Variants in NPAS1 observed in about 807,000 individuals in gnomAD.
The protein encoded by NPAS1 is neuronal PAS domain protein 1.
A neutral mutation model predicts 49.2 loss-of-function variants in NPAS1; 29 were observed. That is an observed-to-expected ratio of 0.59 (90% CI 0.44 to 0.80). The LOEUF (loss-of-function observed/expected upper bound fraction) is 0.80, where lower values mean the gene tolerates loss of function less well. NPAS1 is among the 30% of genes least tolerant of loss of function. NPAS1 has a pLI of 0.00. For synonymous variants in NPAS1, 408 were observed against 380.4 expected (o/e 1.07, Z -0.84); for missense variants, 825 against 835.5 (o/e 0.99, Z 0.15).
Position 47,030,695 on chromosome 19 carries a change from C to G in NPAS1, c.359-1583C>G, listed in dbSNP as rs10410609. Among the ~76,000 whole-genome samples, 1,144 of 142,384 alleles carry G rather than the reference C, an allele frequency of 8.0e-3. 20 individuals are homozygous for G. The highest frequency in any genetic ancestry group is 0.028 in the African/African-American group (1,007 of 36,424). 93.4% of individuals were successfully genotyped at this position (142,384 alleles called of 152,430 possible). On this transcript the variant is annotated intron_variant, in intron 3 of 11. Coordinates refer to ENST00000602212, the MANE Select transcript of NPAS1 (RefSeq NM_002517.4). Reference sequence around the variant, plus strand: ...CTGAGACAGAGTCTCACTCTGTCGCCCAGGCTGCAATGCAATGGCCCTAAC... The same window carrying G: ...CTGAGACAGAGTCTCACTCTGTCGCGCAGGCTGCAATGCAATGGCCCTAAC...
chr19:47,032,840 A>AC, intron 5 of NPAS1, 108 bp downstream of exon 5: 1 of 784,504 alleles, frequency 1.3e-6, no homozygotes. Context: ...AGAAAAATGG[A>AC]CTGGATCTCT....
intron 6 of NPAS1, among the ~76,000 whole-genome samples, chr19:47,037,114 G>C (rs2056964453): frequency 6.6e-6 from 1 of 151,016 alleles, no homozygotes; most frequent in African/African-American, 2.4e-5. Flanking sequence ...CACTTTGGGA[G>C]GCCGAAGTGG....
At chr19:47,026,042 C>T (rs950601364) in intron 3 of NPAS1, among the ~76,000 whole-genome samples, 18 of 152,040 alleles carry the variant, frequency 1.2e-4, no homozygotes, top group African/African-American at 3.9e-4. Context: ...CAGGTTCAAG[C>T]GATTCTCCTG....
At chr19:47,040,738 TGG>T (rs67047644) in intron 9 of NPAS1, 188 bp downstream of exon 9, 198 of 495,220 alleles carry the variant, frequency 4.0e-4, no homozygotes, top group South Asian at 1.2e-3. Flanking sequence ...GATGTGTGTG[TGG>T]GGGGGGGGTC....
Position 47,039,130 on chromosome 19 carries a change from C to T in NPAS1, c.783C>T (p.His261=), listed in dbSNP as rs541331331. ...CCACGCTCACCAAGAGGGGGCTGCA[C>T]GTCAAGGCCTCAGGGTACAAGGTGG... The part of the protein sequence containing the change: ...MKSTLTKRGL[H]VKASGYKVIH... Residue 261 remains histidine, a synonymous_variant, in exon 7 of 12, where the codon CAC becomes CAT. Coordinates refer to ENST00000602212, the MANE Select transcript of NPAS1 (RefSeq NM_002517.4). The T allele has an allele frequency of 3.8e-5, 62 of 1,611,668 alleles. No individual in the cohort carries two copies. The highest frequency in any genetic ancestry group is 7.7e-5 in the South Asian group (7 of 90,710).
At chr19:47,043,380 G>C (rs112034920) in intron 11 of NPAS1, among the ~76,000 whole-genome samples, 19 of 151,592 alleles carry the variant, frequency 1.3e-4, no homozygotes, top group African/African-American at 4.4e-4. Context: ...ACCAGGTCAG[G>C]AGATGGAGAC....
intron 11 of NPAS1, 110 bp from the exon 12 acceptor site, chr19:47,045,081 A>T: frequency 2.0e-6 from 2 of 1,010,620 alleles, no homozygotes; most frequent in Non-Finnish European, 2.9e-6. Flanking sequence ...AAAAAACCCC[A>T]CTCCCAGCTG....
rs553773300 is a variant in NPAS1, at chr19:47,024,874, A to G, written c.358+3027A>G. Reference sequence around the variant, plus strand: ...GCCCAGGCTGGAGTGCAGTGTTGCAATCTCTGCTCACTGCAATCTCCGCCT... The same window carrying G: ...GCCCAGGCTGGAGTGCAGTGTTGCAGTCTCTGCTCACTGCAATCTCCGCCT... On this transcript the variant is annotated intron_variant, in intron 3 of 11. Transcript: ENST00000602212. Among the ~76,000 whole-genome samples the G allele has an allele frequency of 2.0e-4, 30 of 147,700 alleles. 3 individuals are homozygous for G. The South Asian group carries it at 6.1e-3, about 30-fold the overall frequency.
In NPAS1 at chr19:47,040,692, T is replaced by C. The variant is rs1342586958; in HGVS notation, c.1069+142T>C. 13 of 638,782 alleles carry C rather than the reference T, an allele frequency of 2.0e-5. No homozygotes were observed. The South Asian group carries it at 2.3e-4, about 11-fold the overall frequency. 39.6% of individuals were successfully genotyped at this position (638,782 alleles called of 1,614,324 possible). On this transcript the variant is annotated intron_variant, in intron 9 of 11. Coordinates refer to ENST00000602212, the MANE Select transcript of NPAS1 (RefSeq NM_002517.4). ...ACAGCTCCAGGGACTCCGTTTAGCA[T>C]TGGAAGAGCAGCAAGGAGACTGAGT...
intron 3 of NPAS1, among the ~76,000 whole-genome samples, chr19:47,025,067 A>T (rs1249905295): frequency 8.8e-6 from 1 of 113,750 alleles, no homozygotes; most frequent in African/African-American, 2.6e-5. Flanking sequence ...AAGTGCTGGG[A>T]TTGCAGGCGT....
chr19:47,022,615 C>T (rs924230097), intron 3 of NPAS1, among the ~76,000 whole-genome samples: 3 of 84,048 alleles, frequency 3.6e-5, no homozygotes, highest in African/African-American at 9.1e-5. Context: ...GAGGAGGGGG[C>T]GGGGGGGCTG....
At position 47,036,024 on chromosome 19, in the gene NPAS1, C is replaced by G; in HGVS notation, c.583C>G (p.Leu195Val). ...TCACCCTGGGGACCACTCAGAGGTG[C>G]TGGAGCAACTGGGGCTGCGGACGCC... ...YIHPGDHSEV[L>V]EQLGLRTPTP... Residue 195 changes from leucine to valine, a missense_variant, in exon 6 of 12, where the codon CTG (leucine) becomes GTG (valine). By Grantham distance (32) the Leu-to-Val change is conservative. Transcript: ENST00000602212. 6.2e-7 allele frequency: 1 copy of G among 1,602,408 alleles called. No homozygotes were observed. Among genetic ancestry groups the G allele is most frequent in the Non-Finnish European group, 8.5e-7 (1 of 1,174,236 alleles).
At chr19:47,027,891 G>A (rs1199750726) in intron 3 of NPAS1, among the ~76,000 whole-genome samples, 1 of 152,176 alleles carries the variant, frequency 6.6e-6, no homozygotes, top group Admixed American at 6.6e-5. Context: ...GCTGAATGTG[G>A]GGGACAGAGG....
At chr19:47,043,855 A>G (rs1226962156) in intron 11 of NPAS1, among the ~76,000 whole-genome samples, 1 of 152,126 alleles carries the variant, frequency 6.6e-6, no homozygotes, top group Admixed American at 6.6e-5. Flanking sequence ...GCTTTAGCCT[A>G]AGAGTTCAAG....
In NPAS1 at chr19:47,035,216, AAGAAG is replaced by A. The variant is rs2056942160; in HGVS notation, c.523-747_523-743del. On this transcript the variant is annotated intron_variant, in intron 5 of 11. Transcript: ENST00000602212. Reference sequence around the variant, plus strand: ...AAAGAAGAAGAAGAAGAAGAAGAAGAAGAAGGAAAGGCTTGAAGCTGTTGAAGCTG... The same window carrying A: ...AAAGAAGAAGAAGAAGAAGAAGAAGAGAAAGGCTTGAAGCTGTTGAAGCTG... 6 of 153,490 alleles carry A rather than the reference AAGAAG, an allele frequency of 3.9e-5. No homozygotes were observed. In the South Asian group the frequency reaches 1.2e-3, roughly 32 times the overall value. 9.5% of individuals were successfully genotyped at this position (153,490 alleles called of 1,614,324 possible).
At chr19:47,039,313 C>T (rs2056993514) in intron 7 of NPAS1, 94 bp from the exon 8 acceptor site, 2 of 1,538,710 alleles carry the variant, frequency 1.3e-6, no homozygotes, top group Non-Finnish European at 1.8e-6. Context: ...TCCTCCAGCA[C>T]CTGTGGGGGA....
rs1187406006 is a variant in NPAS1, at chr19:47,019,963, T to C, written c.-77T>C. The C allele has an allele frequency of 5.1e-6, 2 of 394,634 alleles. No homozygotes were observed. Among genetic ancestry groups the C allele is most frequent in the East Asian group, 7.2e-5 (2 of 27,800 alleles). The allele number at this position is 394,634 out of a possible 1,614,324, so 24.4% of individuals were successfully genotyped here. On this transcript the variant is annotated 5_prime_UTR_variant, in exon 1 of 12. Transcript: ENST00000602212. Reference sequence around the variant, plus strand: ...GCCCCACGCCGCGCCCGGAGCCTGCTCTGCGGCCAAGTAATCGGACTGGCG... The same window carrying C: ...GCCCCACGCCGCGCCCGGAGCCTGCCCTGCGGCCAAGTAATCGGACTGGCG...
At chr19:47,030,493 T>C (rs545563757) in intron 3 of NPAS1, among the ~76,000 whole-genome samples, 2 of 151,996 alleles carry the variant, frequency 1.3e-5, no homozygotes, top group Non-Finnish European at 2.9e-5. Flanking sequence ...TTGCCCATTT[T>C]TAAAAATATA....
At chr19:47,026,919 C>T (rs2056874501) in intron 3 of NPAS1, among the ~76,000 whole-genome samples, 2 of 151,282 alleles carry the variant, frequency 1.3e-5, no homozygotes, top group Admixed American at 1.3e-4. Context: ...TGCCACTGCA[C>T]TCTAGCCTGG....
Sources: gnomAD v4.1 joint callset for allele counts (sites outside exome capture counted in the v4.1 genomes callset) on GRCh38, gnomAD v4.1.1 for gene constraint, MANE v1.5 for transcripts, NCBI Gene and HGNC (gene_info 2026-07-23, HGNC 2026-07-21) for gene names.